Variants in OTUD7A observed in about 807,000 individuals in gnomAD.
The protein encoded by OTUD7A is OTU deubiquitinase 7A, also known as OTU domain-containing protein 7A.
In OTUD7A, 12 loss-of-function variants were observed where a neutral mutation model predicts 65.7. The observed-to-expected ratio is 0.18, with a 90% CI of 0.12 to 0.30. The LOEUF (loss-of-function observed/expected upper bound fraction) is 0.30, where lower values mean the gene tolerates loss of function less well. OTUD7A is among the 10% of genes least tolerant of loss of function. The probability of loss-of-function intolerance (pLI) is 1.00; values close to 1 mark genes in which losing one functional copy is unlikely to be tolerated. For missense variants in OTUD7A, 1,148 were observed against 1,304.8 expected (o/e 0.88, Z 1.85); for synonymous variants, 641 against 586.3 (o/e 1.09, Z -1.35).
At chr15:31,699,205 G>A (rs1387509762) in intron 1 of OTUD7A, among the ~76,000 whole-genome samples, 4 of 150,724 alleles carry the variant, frequency 2.7e-5, no homozygotes, top group African/African-American at 4.9e-5. Context: ...TCAGCCTCCC[G>A]AGTAGCTGGG....
At chr15:31,555,097 G>C (rs929535470) in intron 5 of OTUD7A, among the ~76,000 whole-genome samples, 13 of 152,160 alleles carry the variant, frequency 8.5e-5, no homozygotes. Flanking sequence ...GGGAGGCCAG[G>C]CAGATACCAC....
intron 8 of OTUD7A, among the ~76,000 whole-genome samples, chr15:31,523,389 C>A (rs1476104894): frequency 6.6e-6 from 1 of 152,174 alleles, no homozygotes. Context: ...TGAGGAAGTG[C>A]TTTTTTTGGG....
At position 31,484,202 on chromosome 15, in the gene OTUD7A, G is replaced by C. The variant is rs1403355776; in HGVS notation, c.1894C>G (p.Leu632Val). ...STDVKLSLNI[L>V]RAAMQGERKF... The stretch of plus-strand genomic sequence containing the variant: ...CGCTCCCCCTGCATGGCGGCGCGCA[G>C]GATGTTGAGGCTCAGCTTCACATCC... The change falls in exon 13 of 13, where the codon CTG (leucine) becomes GTG (valine). Residue 632 changes from leucine (L) to valine (V), a missense_variant. Physicochemically the swap from Leu to Val is conservative, Grantham distance 32 (BLOSUM62 1). Around this residue, in one of 6 missense-constraint regions of OTUD7A, gnomAD observed 842 missense variants for 769.5 expected, o/e 1.09. Coordinates refer to ENST00000307050, the MANE Select transcript of OTUD7A (RefSeq NM_001382637.1). This position sits in a 1 kb window ranked among gnomAD's most constrained non-coding sequence, Gnocchi z 4.5. The C allele has an allele frequency of 6.2e-7, 1 of 1,608,860 alleles. No individual in the cohort carries two copies. The highest frequency in any genetic ancestry group is 8.5e-7 in the Non-Finnish European group (1 of 1,178,980).
chr15:31,688,798 G>C (rs980147917), intron 1 of OTUD7A, among the ~76,000 whole-genome samples: 2 of 149,738 alleles, frequency 1.3e-5, no homozygotes, highest in Non-Finnish European at 3.0e-5. Context: ...ATAAACAATT[G>C]GTAAATCTGG....
chr15:31,638,898 G>T (rs1219803764), intron 3 of OTUD7A, among the ~76,000 whole-genome samples: 1 of 152,064 alleles, frequency 6.6e-6, no homozygotes, highest in East Asian at 1.9e-4. Context: ...GCTTTGGGAG[G>T]CCGAGGTAGG....
intron 8 of OTUD7A, among the ~76,000 whole-genome samples, chr15:31,511,769 T>TATATATGTATATCTATATGTAAC (rs2041754335): frequency 1.3e-5 from 2 of 151,314 alleles, no homozygotes; most frequent in African/African-American, 2.4e-5. Flanking sequence ...GTAACATACA[T>TATATATGTATATCTATATGTAAC]ATATATGTAT....
chr15:31,783,249 T>C (rs1267499487), intron 1 of OTUD7A, among the ~76,000 whole-genome samples: 2 of 152,174 alleles, frequency 1.3e-5, no homozygotes, highest in Non-Finnish European at 2.9e-5. Flanking sequence ...TTAACACCAA[T>C]ACTTGCTGCT....
At chr15:31,850,501 T>G (rs563698583) in intron 1 of OTUD7A, among the ~76,000 whole-genome samples, 75 of 152,090 alleles carry the variant, frequency 4.9e-4, no homozygotes, top group African/African-American at 1.7e-3. Flanking sequence ...ATGGCACACA[T>G]ATACATATGT....
At chr15:31,748,306 G>GA (rs202206759) in intron 1 of OTUD7A, among the ~76,000 whole-genome samples, 2,363 of 150,704 alleles carry the variant, frequency 0.016, 37 homozygotes, top group Non-Finnish European at 0.022. Flanking sequence ...AAATGGTTCA[G>GA]AAAAAAAACT....
intron 3 of OTUD7A, among the ~76,000 whole-genome samples, chr15:31,602,601 C>T (rs564897972): frequency 2.1e-4 from 32 of 152,072 alleles, no homozygotes; most frequent in Admixed American, 5.9e-4. Flanking sequence ...AAGTTCTAGC[C>T]AGGGTAATCA....
intron 1 of OTUD7A, among the ~76,000 whole-genome samples, chr15:31,867,058 T>G (rs567602471): frequency 6.6e-6 from 1 of 152,228 alleles, no homozygotes; most frequent in Middle Eastern, 3.4e-3. Context: ...CACACCCAGA[T>G]GCTGCAATGA....
At chr15:31,603,831 A>C (rs1221505098) in intron 3 of OTUD7A, among the ~76,000 whole-genome samples, 1 of 152,252 alleles carries the variant, frequency 6.6e-6, no homozygotes, top group Non-Finnish European at 1.5e-5. Context: ...TGGCCAACAG[A>C]CATATGAAAA....
chr15:31,644,258 C>A (rs534631485), intron 3 of OTUD7A, among the ~76,000 whole-genome samples: 1 of 152,116 alleles, frequency 6.6e-6, no homozygotes, highest in African/African-American at 2.4e-5. Context: ...TGAATGGCAA[C>A]GCTTTTGGGG....
At position 31,771,632 on chromosome 15, in the gene OTUD7A, T is replaced by C. The variant is rs377310174; in HGVS notation, c.-100+98875A>G. The stretch of plus-strand genomic sequence containing the variant: ...CAGCCACCACAAAGAACTTTTAAAA[T>C]GGTTAACTAGAACCTTATCTCCATC... On this transcript the variant is annotated intron_variant, in intron 1 of 12. Coordinates refer to ENST00000307050, the MANE Select transcript of OTUD7A (RefSeq NM_001382637.1). Among the ~76,000 whole-genome samples the C allele has an allele frequency of 3.3e-4, 50 of 152,298 alleles. No homozygotes were observed. In the South Asian group the frequency reaches 9.3e-3, roughly 28 times the overall value.
intron 1 of OTUD7A, among the ~76,000 whole-genome samples, chr15:31,763,524 G>C (rs542525550): frequency 1.3e-5 from 2 of 152,194 alleles, no homozygotes; most frequent in South Asian, 4.1e-4. Context: ...AAAAAATTAA[G>C]AGACTCAGGA....
At chr15:31,789,159 C>T (rs1262135134) in intron 1 of OTUD7A, among the ~76,000 whole-genome samples, 1 of 152,170 alleles carries the variant, frequency 6.6e-6, no homozygotes, top group Non-Finnish European at 1.5e-5. Flanking sequence ...CACAGAATGT[C>T]TTCTAGCAGC....
chr15:31,522,628 CTGCCTGACACATAA>C (rs1489436498), intron 8 of OTUD7A, among the ~76,000 whole-genome samples: 2 of 152,164 alleles, frequency 1.3e-5, no homozygotes, highest in Non-Finnish European at 2.9e-5. Flanking sequence ...GCTCATAGGC[CTGCCTGACACATAA>C]CATGGGCTCA....
intron 1 of OTUD7A, among the ~76,000 whole-genome samples, chr15:31,748,408 A>G (rs540964344): frequency 2.1e-3 from 325 of 151,340 alleles, no homozygotes; most frequent in Middle Eastern, 3.5e-3. Context: ...ACTATTATAT[A>G]TATTTTATAT....
chr15:31,775,220 A>G (rs1365444271), intron 1 of OTUD7A, among the ~76,000 whole-genome samples: 1 of 152,146 alleles, frequency 6.6e-6, no homozygotes, highest in Non-Finnish European at 1.5e-5. Flanking sequence ...CAGCTGCTCA[A>G]GAAAATAAAA....
Sources: allele counts gnomAD v4.1 joint callset (sites outside exome capture counted in the v4.1 genomes callset), GRCh38; gene constraint gnomAD v4.1.1; regional missense constraint gnomAD v4.1.1; non-coding constraint Gnocchi (gnomAD v3.1); transcripts MANE v1.5; gene names NCBI Gene and HGNC (gene_info 2026-07-23, HGNC 2026-07-21).